Variants in SALL3 observed in about 807,000 individuals in gnomAD.
The protein encoded by SALL3 is sal-like protein 3.
Under a neutral mutation model 66.2 loss-of-function variants are expected in SALL3, and 25 were observed. That is an observed-to-expected ratio of 0.38 (90% CI 0.28 to 0.53). The LOEUF is 0.53. Among genes scored for constraint, SALL3 ranks in the 20% least tolerant of loss-of-function variants. The pLI is 0.85. For synonymous variants in SALL3, 1,152 were observed against 899.1 expected (o/e 1.28, Z -5.03); for missense variants, 2,194 against 1,916.5 (o/e 1.14, Z -2.70).
intron 1 of SALL3, among the ~76,000 whole-genome samples, chr18:78,988,146 C>A (rs1378373297): frequency 6.6e-6 from 1 of 152,012 alleles, no homozygotes; most frequent in African/African-American, 2.4e-5. Flanking sequence ...GCATACAGGC[C>A]AGTTCAAAAT....
At chr18:78,990,002 C>T (rs1450964974) in intron 1 of SALL3, among the ~76,000 whole-genome samples, 1 of 152,202 alleles carries the variant, frequency 6.6e-6, no homozygotes, top group African/African-American at 2.4e-5. Context: ...TTTTAAGATA[C>T]ATGACTAGAT....
rs1488854842 is a variant in SALL3, at chr18:78,992,804, TGCCGCCGCCATCGCGGGCTCGGGCCCC to T, written c.820_846del (p.Ala274_Ala282del). 8.2e-6 allele frequency: 8 copies of T among 980,698 alleles called. No individual in the cohort carries two copies. The highest frequency in any genetic ancestry group is 9.7e-6 in the Non-Finnish European group (8 of 828,934). The allele number at this position is 980,698 out of a possible 1,614,324, so 60.7% of individuals were successfully genotyped here. On this transcript the variant is annotated inframe_deletion, in exon 2 of 3. Transcript: ENST00000537592. ...CGCTCCCGCTGTCGGCCGGGGCCCC[TGCCGCCGCCATCGCGGGCTCGGGCCCC>T]GCCGCCCCGGCCGCCTTCGAGGGCG... is the stretch of plus-strand genomic sequence containing the variant.
intron 1 of SALL3, 150 bp from the exon 2 acceptor site, chr18:78,991,924 A>C: frequency 1.8e-6 from 1 of 541,450 alleles, no homozygotes; most frequent in Non-Finnish European, 3.0e-6. Context: ...AGCTAGCTAG[A>C]AAGAGTCATA....
chr18:78,980,138 C>A lies in SALL3; in HGVS notation c.-137C>A. 6.3e-6 allele frequency: 1 copy of A among 159,478 alleles called. No individual in the cohort carries two copies. The highest frequency in any genetic ancestry group is 1.3e-5 in the Non-Finnish European group (1 of 77,990). 9.9% of individuals were successfully genotyped at this position (159,478 alleles called of 1,614,324 possible). The stretch of plus-strand genomic sequence containing the variant: ...TGCATTATTCACCAGCCTAATTGCT[C>A]AGCCCCATGCGCGGCCCGCGCAGCC... On this transcript the variant is annotated 5_prime_UTR_variant, in exon 1 of 3. Coordinates refer to ENST00000537592, the MANE Select transcript of SALL3 (RefSeq NM_171999.4).
chr18:78,997,215 G>C lies in SALL3; in HGVS notation c.3796G>C (p.Gly1266Arg). ...CAGTGGGATGGACAAAGCACGCACT[G>C]GCAGTAGCCCACCCATCGTCAGCTT... ...MASGMDKART[G>R]SSPPIVSLDK... The change falls in exon 3 of 3, where the codon GGC (glycine) becomes CGC (arginine). Residue 1266 changes from glycine (G) to arginine (R), a missense_variant. Coordinates refer to ENST00000537592, the MANE Select transcript of SALL3 (RefSeq NM_171999.4). 1 of 1,614,038 alleles carries C rather than the reference G, an allele frequency of 6.2e-7. No individual in the cohort carries two copies. Among genetic ancestry groups the C allele is most frequent in the South Asian group, 1.1e-5 (1 of 91,082 alleles).
Position 78,993,456 on chromosome 18 carries a change from G to T in SALL3, c.1465G>T (p.Asp489Tyr). 6.2e-7 allele frequency: 1 copy of T among 1,612,858 alleles called. No homozygotes were observed. Among genetic ancestry groups the T allele is most frequent in the East Asian group, 2.2e-5 (1 of 44,828 alleles). The change falls in exon 2 of 3, where the codon GAC becomes TAC. Residue 489 changes from aspartate (D) to tyrosine (Y), a missense_variant. Asp to Tyr is a radical substitution (Grantham distance 160). Coordinates refer to ENST00000537592, the MANE Select transcript of SALL3 (RefSeq NM_171999.4). Reference sequence around the variant, plus strand: ...CCCTTACCCGGTCCCCGAGTACCTGGACAACGTGCCCACCTGCTCGGGCAT... The same window carrying T: ...CCCTTACCCGGTCCCCGAGTACCTGTACAACGTGCCCACCTGCTCGGGCAT... ...MNPYPVPEYL[D>Y]NVPTCSGIPY...
chr18:78,997,323 C>A lies in SALL3; in HGVS notation c.*1C>A. On this transcript the variant is annotated 3_prime_UTR_variant, in exon 3 of 3. Transcript: ENST00000537592. ...TAACAAGGAGATTGGTATCAACTAGCCAGTGACTCGCTCATCTGCCCTGCC... is the reference window on the plus strand; with the variant it reads ...TAACAAGGAGATTGGTATCAACTAGACAGTGACTCGCTCATCTGCCCTGCC... The A allele has an allele frequency of 6.2e-7, 1 of 1,610,766 alleles. No individual in the cohort carries two copies. Among genetic ancestry groups the A allele is most frequent in the Non-Finnish European group, 8.5e-7 (1 of 1,177,896 alleles).
chr18:78,982,289 A>G (rs1914097978), intron 1 of SALL3, among the ~76,000 whole-genome samples: 1 of 152,170 alleles, frequency 6.6e-6, no homozygotes, highest in Non-Finnish European at 1.5e-5. Context: ...TAGAGATGCA[A>G]AATATTCAGG....
rs1362134718 is a variant in SALL3, at chr18:78,979,861, CCCTGCGG to C, written c.-413_-407del. Among the ~76,000 whole-genome samples, 2 of 144,716 alleles carry C rather than the reference CCCTGCGG, an allele frequency of 1.4e-5. No homozygotes were observed. The highest frequency in any genetic ancestry group is 1.4e-4 in the Admixed American group (2 of 14,642). 94.9% of individuals were successfully genotyped at this position (144,716 alleles called of 152,430 possible). ...ACGCCGCCAAAGTTTGCTGCCTGCG[CCCTGCGG>C]AGGGACGGCCACCGCGGCCCGCGCC... is the stretch of plus-strand genomic sequence containing the variant. On this transcript the variant is annotated 5_prime_UTR_variant, in exon 1 of 3. Transcript: ENST00000537592.
At chr18:78,991,082 TAA>T (rs1188641014) in intron 1 of SALL3, among the ~76,000 whole-genome samples, 1 of 152,248 alleles carries the variant, frequency 6.6e-6, no homozygotes, top group African/African-American at 2.4e-5. Context: ...TATAATTTGC[TAA>T]GTCTTCTATG....
At chr18:78,985,350 T>G (rs1914210947) in intron 1 of SALL3, among the ~76,000 whole-genome samples, 1 of 151,034 alleles carries the variant, frequency 6.6e-6, no homozygotes, top group South Asian at 2.1e-4. Flanking sequence ...AAAACGGCTT[T>G]CTTTTGTGTC....
Position 78,993,731 on chromosome 18 carries a change from C to G in SALL3, c.1740C>G (p.Thr580=). 6.4e-7 allele frequency: 1 copy of G among 1,552,322 alleles called. No homozygotes were observed. The highest frequency in any genetic ancestry group is 8.6e-7 in the Non-Finnish European group (1 of 1,157,732). ...LNHVESGVSA[T]AESPQSLLGG... Reference sequence around the variant, plus strand: ...ACGTGGAGTCCGGCGTGTCGGCCACCGCCGAGTCCCCACAGTCGCTCCTCG... The same window carrying G: ...ACGTGGAGTCCGGCGTGTCGGCCACGGCCGAGTCCCCACAGTCGCTCCTCG... The change falls in exon 2 of 3, where the codon ACC becomes ACG. Residue 580 remains threonine (T), a synonymous_variant. Coordinates refer to ENST00000537592, the MANE Select transcript of SALL3 (RefSeq NM_171999.4).
rs1914570517 is a variant in SALL3, at chr18:78,993,819, G to A, written c.1828G>A (p.Asp610Asn). The A allele has an allele frequency of 1.9e-6, 3 of 1,553,384 alleles. No homozygotes were observed. The highest frequency in any genetic ancestry group is 1.2e-5 in the South Asian group (1 of 84,904). The change falls in exon 2 of 3, where the codon GAC (aspartate) becomes AAC (asparagine). Residue 610 changes from aspartate to asparagine, a missense_variant. By Grantham distance (23) the Asp-to-Asn change is conservative. Transcript: ENST00000537592. ...SLPCTNARAG[D>N]APVGAQASAA... ...GCCCTGCACCAACGCCAGGGCCGGG[G>A]ACGCTCCCGTGGGCGCGCAGGCTAG...
At chr18:78,991,566 A>C in intron 1 of SALL3, 1 of 154,804 alleles carries the variant, frequency 6.5e-6, no homozygotes, top group Non-Finnish European at 1.4e-5. Context: ...TAAATCTGGA[A>C]TGTCTCCGCG....
Position 78,994,346 on chromosome 18 carries a change from C to T in SALL3, c.2355C>T (p.Tyr785=), listed in dbSNP as rs1167425141. The T allele has an allele frequency of 1.9e-6, 3 of 1,613,402 alleles. No individual in the cohort carries two copies. The highest frequency in any genetic ancestry group is 2.2e-5 in the South Asian group (2 of 91,078). Residue 785 remains tyrosine (Y), a synonymous_variant, in exon 2 of 3, where the codon TAC becomes TAT. Transcript: ENST00000537592. ...ATGCCATGGACTCCGAGCTGGCCTA[C>T]GACGACAAGAACGCGGAGACCCTGA... ...FQDAMDSELA[Y]DDKNAETLSS... is the part of the protein sequence containing the mutation.
At chr18:78,987,458 TG>T (rs1329909985) in intron 1 of SALL3, among the ~76,000 whole-genome samples, 2 of 152,224 alleles carry the variant, frequency 1.3e-5, no homozygotes, top group African/African-American at 4.8e-5. Flanking sequence ...GAAAGGCCTG[TG>T]GGACCTTCCT....
chr18:78,986,121 G>A (rs1011591175), intron 1 of SALL3, among the ~76,000 whole-genome samples: 5 of 152,194 alleles, frequency 3.3e-5, no homozygotes, highest in African/African-American at 1.2e-4. Context: ...CAGCGTCGAG[G>A]GCAGATAGTT....
At chr18:78,980,439 C>T (rs1195266932) in intron 1 of SALL3, 83 bp downstream of exon 1, 12 of 859,138 alleles carry the variant, frequency 1.4e-5, no homozygotes, top group Non-Finnish European at 1.8e-5. Context: ...GGAGCGGATG[C>T]GCGCGTCCGG....
chr18:78,981,260 C>T lies in SALL3; in HGVS notation c.82+904C>T, dbSNP rs1284757476. ...CCCTTCGTCGAGTCAAAACCTCGGC[C>T]GGCGGCGCCCGGGCTTCGGCGCGCC... On this transcript the variant is annotated intron_variant, in intron 1 of 2. Transcript: ENST00000537592. 8.5e-5 allele frequency among the ~76,000 whole-genome samples: 13 copies of T among 152,266 alleles called. No homozygotes were observed. In the East Asian group the frequency reaches 2.1e-3, roughly 25 times the overall value.
Sources: allele counts gnomAD v4.1 joint callset (sites outside exome capture counted in the v4.1 genomes callset), GRCh38; gene constraint gnomAD v4.1.1; transcripts MANE v1.5; gene names NCBI Gene and HGNC (gene_info 2026-07-23, HGNC 2026-07-21).